The following CDH19 variants were observed in gnomAD, a reference collection of about 807,000 sequenced individuals.
The protein encoded by CDH19 is cadherin 19, also known as cadherin-19.
In CDH19, 67 loss-of-function variants were observed where a neutral mutation model predicts 64.2. That is an observed-to-expected ratio of 1.04 (90% confidence interval 0.86 to 1.28). CDH19 has a LOEUF of 1.28. CDH19 is among the 50% of genes most tolerant of loss of function. The probability of loss-of-function intolerance (pLI) is 0.00; values close to 1 mark genes in which losing one functional copy is unlikely to be tolerated. For missense variants in CDH19, 1,030 were observed against 929.0 expected, an observed-to-expected ratio of 1.11 and a Z score of -1.41; for synonymous variants, 346 against 319.3, an observed-to-expected ratio of 1.08 and a Z score of -0.89.
chr18:66,595,924 C>A (rs527605016), intron 1 of CDH19, among the ~76,000 whole-genome samples: 9 of 152,136 alleles, frequency 5.9e-5, no homozygotes, highest in African/African-American at 1.9e-4. Flanking sequence ...CAACAAAATA[C>A]TAACAAACCA....
chr18:66,526,725 GT>G (rs1986234336), intron 9 of CDH19, among the ~76,000 whole-genome samples: 2 of 151,708 alleles, frequency 1.3e-5, no homozygotes, highest in East Asian at 1.9e-4. Context: ...TTGTGCATAA[GT>G]TTTTTTCACA....
At chr18:66,505,754 T>C (rs1985168836) in intron 11 of CDH19, among the ~76,000 whole-genome samples, 1 of 151,622 alleles carries the variant, frequency 6.6e-6, no homozygotes, top group African/African-American at 2.4e-5. Flanking sequence ...AACAGTTTGA[T>C]GTTCCCTATT....
At chr18:66,544,647 A>T (rs142394339) in intron 6 of CDH19, 72 bp downstream of exon 6, 1 of 1,040,566 alleles carries the variant, frequency 9.6e-7, no homozygotes, top group Admixed American at 2.7e-5. Context: ...TTAAAAACTA[A>T]CCAGCTACAC....
chr18:66,559,082 A>G (rs1987625081), intron 3 of CDH19, among the ~76,000 whole-genome samples: 1 of 152,024 alleles, frequency 6.6e-6, no homozygotes, highest in South Asian at 2.1e-4. Flanking sequence ...ACTCATCACT[A>G]TGAATTGCTG....
chr18:66,543,851 C>T (rs375127202), intron 7 of CDH19, 120 bp downstream of exon 7: 28 of 732,054 alleles, frequency 3.8e-5, no homozygotes, highest in Non-Finnish European at 4.9e-5. Context: ...CCACTGTACT[C>T]GAGCCTAGAA....
chr18:66,517,362 A>T (rs1489640499), intron 9 of CDH19, among the ~76,000 whole-genome samples: 1 of 152,246 alleles, frequency 6.6e-6, no homozygotes, highest in East Asian at 1.9e-4. Flanking sequence ...ACCTCCAAAA[A>T]AAAAGACATT....
chr18:66,559,040 TC>T (rs1350215804), intron 3 of CDH19, among the ~76,000 whole-genome samples: 6 of 151,934 alleles, frequency 3.9e-5, no homozygotes, highest in Admixed American at 3.9e-4. Flanking sequence ...GCGGCTCCCA[TC>T]CCCGGTCATC....
intron 1 of CDH19, among the ~76,000 whole-genome samples, chr18:66,603,601 A>G (rs371138289): frequency 1.4e-4 from 22 of 152,092 alleles, no homozygotes; most frequent in African/African-American, 4.8e-4. Flanking sequence ...AAAACCCTGA[A>G]CAAAGAAAAA....
chr18:66,588,826 G>A (rs1988658867), intron 1 of CDH19, among the ~76,000 whole-genome samples: 1 of 151,612 alleles, frequency 6.6e-6, no homozygotes, highest in South Asian at 2.1e-4. Flanking sequence ...GAAGACTGAA[G>A]TGGAATATAT....
In CDH19 at chr18:66,511,666, G is replaced by C; in HGVS notation, c.1478C>G (p.Ala493Gly). 1.3e-6 allele frequency: 2 copies of C among 1,548,814 alleles called. No individual in the cohort carries two copies. Among genetic ancestry groups the C allele is most frequent in the Non-Finnish European group, 1.8e-6 (2 of 1,124,776 alleles). ...GSGQVIQTISAVDRDESIEEH... is the reference protein window; with the variant it reads ...GSGQVIQTISGVDRDESIEEH... The stretch of plus-strand genomic sequence containing the variant: ...TTCTATGGATTCATCTCTATCCACT[G>C]CACTGATAGTCTGAATTACCTAAAA... The change falls in exon 10 of 12, where the codon GCA (alanine) becomes GGA (glycine). Residue 493 changes from alanine (A) to glycine (G), a missense_variant. Coordinates refer to ENST00000262150, the MANE Select transcript of CDH19 (RefSeq NM_021153.4).
chr18:66,567,491 T>C (rs1195374476), intron 3 of CDH19, among the ~76,000 whole-genome samples: 1 of 151,872 alleles, frequency 6.6e-6, no homozygotes, highest in Non-Finnish European at 1.5e-5. Flanking sequence ...GGCAAATTTG[T>C]TTCTGCTGTA....
At chr18:66,580,346 TA>T (rs1988388049) in intron 1 of CDH19, among the ~76,000 whole-genome samples, 1 of 152,066 alleles carries the variant, frequency 6.6e-6, no homozygotes, top group Non-Finnish European at 1.5e-5. Context: ...GAAGCAAGTA[TA>T]AATTGGATTA....
At chr18:66,591,105 TAAAC>T (rs1250913628) in intron 1 of CDH19, among the ~76,000 whole-genome samples, 1 of 151,956 alleles carries the variant, frequency 6.6e-6, no homozygotes, top group Non-Finnish European at 1.5e-5. Flanking sequence ...TCAAGATTCT[TAAAC>T]AATCTCAGAT....
intron 3 of CDH19, among the ~76,000 whole-genome samples, chr18:66,560,991 A>G (rs960702161): frequency 6.6e-6 from 1 of 152,116 alleles, no homozygotes; most frequent in Non-Finnish European, 1.5e-5. Context: ...TTAACATTAA[A>G]TATAGCACCA....
intron 3 of CDH19, among the ~76,000 whole-genome samples, chr18:66,565,632 C>A (rs1987881429): frequency 6.6e-6 from 1 of 151,964 alleles, no homozygotes; most frequent in South Asian, 2.1e-4. Context: ...TAATTTAATA[C>A]TGAGATTGAG....
intron 1 of CDH19, among the ~76,000 whole-genome samples, chr18:66,576,509 A>C: frequency 6.6e-6 from 1 of 151,178 alleles, no homozygotes; most frequent in East Asian, 1.9e-4. Context: ...ATAAATGATA[A>C]ACAATGTCAT....
At chr18:66,596,813 T>C (rs1163767089) in intron 1 of CDH19, among the ~76,000 whole-genome samples, 5 of 151,866 alleles carry the variant, frequency 3.3e-5, no homozygotes, top group Non-Finnish European at 7.4e-5. Flanking sequence ...CCGGGCGCGG[T>C]GGCTCACGCC....
chr18:66,551,313 T>C (rs1987336006), intron 4 of CDH19, 55 bp from the exon 5 acceptor site: 2 of 995,304 alleles, frequency 2.0e-6, no homozygotes, highest in African/African-American at 1.6e-5. Flanking sequence ...GACAAAGTTC[T>C]AGTTAATTTC....
intron 3 of CDH19, among the ~76,000 whole-genome samples, chr18:66,567,099 C>A (rs1026151825): frequency 2.0e-5 from 3 of 151,870 alleles, no homozygotes; most frequent in African/African-American, 7.3e-5. Flanking sequence ...TCATATATTA[C>A]CTCCTTTAAT....
Sources: allele counts gnomAD v4.1 joint callset (sites outside exome capture counted in the v4.1 genomes callset), GRCh38; gene constraint gnomAD v4.1.1; transcripts MANE v1.5; gene names NCBI Gene and HGNC (gene_info 2026-07-23, HGNC 2026-07-21).